Variants in MYBPC2 observed in about 807,000 individuals in gnomAD.
The protein encoded by MYBPC2 is myosin binding protein C2.
A neutral mutation model predicts 137.0 loss-of-function variants in MYBPC2; 122 were observed. The observed-to-expected ratio is 0.89, with a 90% CI of 0.77 to 1.03. The LOEUF (loss-of-function observed/expected upper bound fraction) is 1.03. MYBPC2 is among the 50% of genes least tolerant of loss of function. The probability of loss-of-function intolerance (pLI) is 0.00; values close to 1 mark genes in which losing one functional copy is unlikely to be tolerated. For missense variants in MYBPC2, 1,500 were observed against 1,534.4 expected (o/e 0.98, Z 0.37); for synonymous variants, 626 against 612.3 (o/e 1.02, Z -0.33).
Position 50,435,150 on chromosome 19 carries a change from C to G in MYBPC2, c.20-11C>G, listed in dbSNP as rs745918830. On this transcript the variant is annotated splice_polypyrimidine_tract_variant and intron_variant, in intron 1 of 27. Transcript: ENST00000357701. This position sits in a 1 kb window ranked among gnomAD's most constrained non-coding sequence, Gnocchi z 4.8. The stretch of plus-strand genomic sequence containing the variant: ...CCGCATGCTCAACTATGACTGTCCC[C>G]TACCTTACAGCGGCCAAAAAGGCCC... 7.8e-7 allele frequency: 1 copy of G among 1,275,348 alleles called. No homozygotes were observed. Among genetic ancestry groups the G allele is most frequent in the Non-Finnish European group, 1.1e-6 (1 of 878,678 alleles). 79.0% of individuals were successfully genotyped at this position (1,275,348 alleles called of 1,614,324 possible). A position where few individuals can be genotyped will look rare whatever the true frequency, so the allele number is the denominator to read the frequency against.
In MYBPC2 at chr19:50,448,349, G is replaced by A. The variant is rs758945013; in HGVS notation, c.1431G>A (p.Glu477=). Residue 477 remains glutamate (E), a synonymous_variant, in exon 13 of 28, where the codon GAG becomes GAA. Transcript: ENST00000357701. The part of the protein sequence containing the change: ...VTGKWYKNGV[E]VRPSKRITIS... ...GCAAGTGGTATAAGAATGGGGTCGAGGTGCGGCCCAGCAAGAGGATCACCA... is the reference window on the plus strand; with the variant it reads ...GCAAGTGGTATAAGAATGGGGTCGAAGTGCGGCCCAGCAAGAGGATCACCA... 4 of 1,613,756 alleles carry A rather than the reference G, an allele frequency of 2.5e-6. No homozygotes were observed. The highest frequency in any genetic ancestry group is 1.6e-4 in the Middle Eastern group (1 of 6,082).
At chr19:50,463,166 C>G (rs2039985841) in intron 26 of MYBPC2, among the ~76,000 whole-genome samples, 1 of 152,174 alleles carries the variant, frequency 6.6e-6, no homozygotes, top group African/African-American at 2.4e-5. Flanking sequence ...GAACACGGGC[C>G]AAGCATATTT....
At chr19:50,445,802 C>T (rs1327564190) in intron 11 of MYBPC2, 78 bp from the exon 12 acceptor site, 2 of 1,412,818 alleles carry the variant, frequency 1.4e-6, no homozygotes, top group Non-Finnish European at 1.9e-6. Context: ...TCTGCATGGG[C>T]CCCCGACTGA....
chr19:50,466,202 G>C lies in MYBPC2; in HGVS notation c.3423G>C (p.Gln1141His), dbSNP rs781601080. The C allele has an allele frequency of 6.2e-7, 1 of 1,613,922 alleles. No individual in the cohort carries two copies. The highest frequency in any genetic ancestry group is 1.7e-5 in the Admixed American group (1 of 60,016). ...TTTCTCGTTTTCCTGCAGTGCCGCA[G>C]TGAGACCTGTCCCCTACCTGCCAAG... Reference protein sequence around the residue: ...AECKLEVRVPQ With the variant: ...AECKLEVRVPH Residue 1141 changes from glutamine (Q) to histidine (H), a missense_variant, in exon 28 of 28, where the codon CAG becomes CAC. Gln to His is a conservative substitution (Grantham distance 24). Transcript: ENST00000357701. The surrounding 1 kb of genome is among the most constrained non-coding windows in gnomAD (Gnocchi z 4.9).
chr19:50,460,290 C>A, intron 24 of MYBPC2, 111 bp downstream of exon 24: 1 of 1,410,094 alleles, frequency 7.1e-7, no homozygotes, highest in Non-Finnish European at 9.4e-7. Context: ...GGCTAGAGGA[C>A]GGGCTGGGGC....
In MYBPC2 at chr19:50,433,008, G is replaced by C. The variant is rs544295683; in HGVS notation, c.19+36G>C. ...GACCCCCTCCCTGTGTGGGGATGGG[G>C]CTCTTCTTTTCTGGATGGGGATTTG... On this transcript the variant is annotated intron_variant, in intron 1 of 27. Transcript: ENST00000357701. 3.0e-4 allele frequency: 474 copies of C among 1,564,070 alleles called. 2 individuals are homozygous for C. The highest frequency in any genetic ancestry group is 2.9e-3 in the South Asian group (244 of 83,796).
intron 24 of MYBPC2, 26 bp from the exon 25 acceptor site, chr19:50,461,516 C>T (rs765426401): frequency 2.5e-6 from 4 of 1,608,466 alleles, no homozygotes; most frequent in Non-Finnish European, 2.5e-6. Context: ...CCCGACCCGC[C>T]TGGTCCCTCC....
intron 7 of MYBPC2, among the ~76,000 whole-genome samples, chr19:50,438,219 A>G (rs750622512): frequency 1.4e-4 from 21 of 151,916 alleles, no homozygotes; most frequent in Non-Finnish European, 2.9e-4. Context: ...GTTAACCACC[A>G]TTTTCCCACC....
chr19:50,461,941 C>G lies in MYBPC2; in HGVS notation c.3133C>G (p.Arg1045Gly). The G allele has an allele frequency of 6.3e-7, 1 of 1,593,354 alleles. No homozygotes were observed. The highest frequency in any genetic ancestry group is 1.1e-5 in the South Asian group (1 of 87,696). The change falls in exon 26 of 28, where the codon CGG becomes GGG. Residue 1045 changes from arginine (R) to glycine (G), a missense_variant. Physicochemically the swap from Arg to Gly is moderately radical, Grantham distance 125. Transcript: ENST00000357701. ...KPFEYKEHDF[R>G]MAPKFLTPLI... ...GTTCGAGTATAAGGAGCATGACTTCCGGATGGCTCCCAAGTTCCTGACACC... is the reference window on the plus strand; with the variant it reads ...GTTCGAGTATAAGGAGCATGACTTCGGGATGGCTCCCAAGTTCCTGACACC...
rs146844164 is a variant in MYBPC2, at chr19:50,462,721, C to T, written c.3228+685C>T. On this transcript the variant is annotated intron_variant, in intron 26 of 27. Coordinates refer to ENST00000357701, the MANE Select transcript of MYBPC2 (RefSeq NM_004533.4). ...CCTCCTGAGTAGCTAGGATTACAGGCGTGCACCACCATGCCCAGCTAAATT... is the reference window on the plus strand; with the variant it reads ...CCTCCTGAGTAGCTAGGATTACAGGTGTGCACCACCATGCCCAGCTAAATT... Among the ~76,000 whole-genome samples the T allele has an allele frequency of 2.0e-3, 308 of 152,166 alleles. 1 individual carries two copies. Among genetic ancestry groups the T allele is most frequent in the African/African-American group, 7.3e-3 (303 of 41,514 alleles).
intron 20 of MYBPC2, 41 bp downstream of exon 20, chr19:50,455,685 AC>A (rs751516079): frequency 1.2e-6 from 2 of 1,606,730 alleles, no homozygotes; most frequent in Non-Finnish European, 1.7e-6. Context: ...GGTGGCTAGC[AC>A]AGGTGGGTAT....
At chr19:50,446,264 A>C (rs2039804951) in intron 12 of MYBPC2, among the ~76,000 whole-genome samples, 1 of 152,242 alleles carries the variant, frequency 6.6e-6, no homozygotes, top group Admixed American at 6.5e-5. Flanking sequence ...TAATCCCAGC[A>C]CTTTGGGAGG....
At chr19:50,437,306 G>A (rs1303815709) in intron 5 of MYBPC2, among the ~76,000 whole-genome samples, 167 bp from the exon 6 acceptor site, 1 of 152,024 alleles carries the variant, frequency 6.6e-6, no homozygotes, top group Non-Finnish European at 1.5e-5. Context: ...ATGAGTATGA[G>A]CTGGTCTAGA....
At chr19:50,462,774 G>A (rs2039983129) in intron 26 of MYBPC2, among the ~76,000 whole-genome samples, 1 of 150,826 alleles carries the variant, frequency 6.6e-6, no homozygotes, top group African/African-American at 2.4e-5. Context: ...ACGGCGTTTT[G>A]CTGACCTCAG....
At chr19:50,458,544 GGGA>G in intron 20 of MYBPC2, 40 bp from the exon 21 acceptor site, 9 of 1,600,022 alleles carry the variant, frequency 5.6e-6, no homozygotes, top group Non-Finnish European at 6.8e-6. Context: ...AGCGGAGGAT[GGGA>G]GGAGGGCACG....
chr19:50,451,979 C>T lies in MYBPC2; in HGVS notation c.1725C>T (p.Val575=), dbSNP rs371850521. Reference sequence around the variant, plus strand: ...CCATCACAGGGGAGCCCCCTCCCGTCGCTACCTGGCTGAAGGGAGATGAGG... The same window carrying T: ...CCATCACAGGGGAGCCCCCTCCCGTTGCTACCTGGCTGAAGGGAGATGAGG... ...DVSITGEPPP[V]ATWLKGDEVF... Residue 575 remains valine, a synonymous_variant, in exon 16 of 28, where the codon GTC becomes GTT. Coordinates refer to ENST00000357701, the MANE Select transcript of MYBPC2 (RefSeq NM_004533.4). The T allele has an allele frequency of 4.4e-5, 69 of 1,553,270 alleles. No homozygotes were observed. The African/African-American group carries it at 5.5e-4, about 12-fold the overall frequency.
chr19:50,455,891 T>TC (rs970856951), intron 20 of MYBPC2, among the ~76,000 whole-genome samples: 21 of 152,110 alleles, frequency 1.4e-4, no homozygotes, highest in Admixed American at 5.9e-4. Context: ...TATCCTTCCA[T>TC]CCCCCCATTT....
At chr19:50,437,787 A>G (rs1601281395) in intron 7 of MYBPC2, 69 bp downstream of exon 7, 1 of 1,504,402 alleles carries the variant, frequency 6.6e-7, no homozygotes, top group Non-Finnish European at 9.1e-7. Flanking sequence ...GTGAAGCTCC[A>G]TGGCCCACTG....
At position 50,432,945 on chromosome 19, in the gene MYBPC2, TC is replaced by T. The variant is rs747960642; in HGVS notation, c.-4del. ...CTGCGGTCAGAGGAGCAGGAGGAGG[TC>T]CCCCGACATGCCTGAGGCAAAACCA... On this transcript the variant is annotated 5_prime_UTR_variant, in exon 1 of 28. Transcript: ENST00000357701. This position sits in a 1 kb window ranked among gnomAD's most constrained non-coding sequence, Gnocchi z 5.5. 6.2e-7 allele frequency: 1 copy of T among 1,605,362 alleles called. No individual in the cohort carries two copies. The highest frequency in any genetic ancestry group is 1.1e-5 in the South Asian group (1 of 89,958).
Sources: allele counts gnomAD v4.1 joint callset (sites outside exome capture counted in the v4.1 genomes callset), GRCh38; gene constraint gnomAD v4.1.1; non-coding constraint Gnocchi (gnomAD v3.1); transcripts MANE v1.5; gene names NCBI Gene and HGNC (gene_info 2026-07-23, HGNC 2026-07-21).